Variants in NAALADL2 observed in about 807,000 individuals in gnomAD.
NAALADL2 encodes N-acetylated alpha-linked acidic dipeptidase like 2, also known as inactive N-acetylated-alpha-linked acidic dipeptidase-like protein 2.
Under a neutral mutation model 87.2 loss-of-function variants are expected in NAALADL2, and 76 were observed. The observed-to-expected ratio is 0.87, with a 90% CI of 0.72 to 1.05. The LOEUF (loss-of-function observed/expected upper bound fraction) is 1.05, where lower values mean the gene tolerates loss of function less well. Ranked by LOEUF, NAALADL2 falls within the 50% of genes least tolerant of loss-of-function variation. The probability of loss-of-function intolerance (pLI) is 0.00; values close to 1 mark genes in which losing one functional copy is unlikely to be tolerated. For synonymous variants in NAALADL2, 354 were observed against 331.0 expected, an observed-to-expected ratio of 1.07 and a Z score of -0.75; for missense variants, 1,089 against 945.8, an observed-to-expected ratio of 1.15 and a Z score of -1.99.
At chr3:175,268,133 T>G (rs1752251567) in intron 4 of NAALADL2, among the ~76,000 whole-genome samples, 1 of 152,174 alleles carries the variant, frequency 6.6e-6, no homozygotes, top group South Asian at 2.1e-4. Flanking sequence ...GTTGTTGGTG[T>G]TGTGCTGGTA....
chr3:175,353,899 G>T lies in NAALADL2; in HGVS notation c.1090+29574G>T, dbSNP rs116420675. ...CTTCATGATAACCAAGAATTTAGTGGAATTCTGTCACTTGAAATTACCCAA... is the reference window on the plus strand; with the variant it reads ...CTTCATGATAACCAAGAATTTAGTGTAATTCTGTCACTTGAAATTACCCAA... On this transcript the variant is annotated intron_variant, in intron 5 of 13. Coordinates refer to ENST00000454872, the MANE Select transcript of NAALADL2 (RefSeq NM_207015.3). Among the ~76,000 whole-genome samples the T allele has an allele frequency of 6.2e-3, 944 of 152,244 alleles. 5 individuals are homozygous for T. The highest frequency in any genetic ancestry group is 9.6e-3 in the Non-Finnish European group (652 of 68,002).
chr3:175,139,553 T>C (rs71312310), intron 2 of NAALADL2, among the ~76,000 whole-genome samples: 1 of 152,106 alleles, frequency 6.6e-6, no homozygotes, highest in Non-Finnish European at 1.5e-5. Flanking sequence ...GCTACGTAGA[T>C]GATTCATATA....
chr3:175,072,341 A>G (rs1402566541), intron 1 of NAALADL2, among the ~76,000 whole-genome samples: 1 of 151,882 alleles, frequency 6.6e-6, no homozygotes, highest in African/African-American at 2.4e-5. Flanking sequence ...TTAGATTTAA[A>G]GTCATGATGT....
At chr3:174,844,802 C>T (rs1361947113) in intron 3 of NAALADL2, among the ~76,000 whole-genome samples, 1 of 111,928 alleles carries the variant, frequency 8.9e-6, no homozygotes, top group Admixed American at 8.6e-5. Context: ...TTTTATCCTG[C>T]AATTTTAATG....
intron 1 of NAALADL2, among the ~76,000 whole-genome samples, chr3:174,945,356 T>C (rs750469763): frequency 1.2e-4 from 19 of 152,158 alleles, no homozygotes; most frequent in African/African-American, 2.2e-4. Flanking sequence ...GCAAATATTT[T>C]CACTCAGGCC....
intron 1 of NAALADL2, among the ~76,000 whole-genome samples, chr3:174,532,908 C>T (rs753274995): frequency 3.9e-5 from 6 of 151,902 alleles, no homozygotes; most frequent in Non-Finnish European, 8.8e-5. Context: ...ATCTTTTATT[C>T]TTTAATTCAT....
intron 11 of NAALADL2, among the ~76,000 whole-genome samples, chr3:175,708,140 T>C (rs1739996513): frequency 1.3e-5 from 2 of 151,918 alleles, no homozygotes; most frequent in Admixed American, 1.3e-4. Flanking sequence ...CTTCAAGACA[T>C]AAATATAAAG....
chr3:174,939,229 A>G (rs192475918), intron 1 of NAALADL2, among the ~76,000 whole-genome samples: 85 of 152,250 alleles, frequency 5.6e-4, no homozygotes, highest in Admixed American at 1.5e-3. Flanking sequence ...ATGGCTAGCC[A>G]GTTATCCCAG....
At chr3:175,280,869 T>C (rs1754203487) in intron 4 of NAALADL2, among the ~76,000 whole-genome samples, 1 of 152,066 alleles carries the variant, frequency 6.6e-6, no homozygotes, top group South Asian at 2.1e-4. Context: ...TTTATCCTGA[T>C]GCTACATCAG....
intron 3 of NAALADL2, among the ~76,000 whole-genome samples, chr3:174,756,990 G>T (rs911276391): frequency 1.3e-5 from 2 of 151,918 alleles, no homozygotes; most frequent in South Asian, 2.1e-4. Context: ...TCACATTTTG[G>T]TGTCTCTGTA....
At position 175,749,307 on chromosome 3, in the gene NAALADL2, C is replaced by A. The variant is rs543339755; in HGVS notation, c.1991-5913C>A. 1.1e-4 allele frequency among the ~76,000 whole-genome samples: 17 copies of A among 151,618 alleles called. No homozygotes were observed. The South Asian group carries it at 3.4e-3, about 30-fold the overall frequency. The stretch of plus-strand genomic sequence containing the variant: ...GGAGATTGGGGAACAAAGTTAATAC[C>A]CAAGAGTTTATGCTAAGTTGAAACT... On this transcript the variant is annotated intron_variant, in intron 12 of 13. Coordinates refer to ENST00000454872, the MANE Select transcript of NAALADL2 (RefSeq NM_207015.3).
rs1328927190 is a variant in NAALADL2 at position 175,371,285 on chromosome 3, G to A, written c.1090+46960G>A. On this transcript the variant is annotated intron_variant, in intron 5 of 13. Coordinates refer to ENST00000454872, the MANE Select transcript of NAALADL2 (RefSeq NM_207015.3). ...GATATTATTATTATTATTATTTTTTGAGACGGAGTACTCGCTCTTTCGCCC... is the reference window on the plus strand; with the variant it reads ...GATATTATTATTATTATTATTTTTTAAGACGGAGTACTCGCTCTTTCGCCC... Among the ~76,000 whole-genome samples the A allele has an allele frequency of 2.0e-5, 3 of 151,736 alleles. No individual in the cohort carries two copies. The East Asian group carries it at 5.9e-4, about 30-fold the overall frequency.
At chr3:174,753,763 C>T (rs979766485) in intron 3 of NAALADL2, among the ~76,000 whole-genome samples, 8 of 152,114 alleles carry the variant, frequency 5.3e-5, no homozygotes, top group Middle Eastern at 3.2e-3. Context: ...TGAATTGTGT[C>T]CCTTCCAAAT....
At chr3:175,671,024 C>T (rs373030686) in intron 11 of NAALADL2, among the ~76,000 whole-genome samples, 8 of 151,142 alleles carry the variant, frequency 5.3e-5, no homozygotes, top group South Asian at 2.1e-4. Context: ...AGCAAAAAAG[C>T]GAGAATAAAA....
chr3:174,719,514 C>G (rs540885911), intron 2 of NAALADL2, among the ~76,000 whole-genome samples: 1 of 152,136 alleles, frequency 6.6e-6, no homozygotes, highest in Non-Finnish European at 1.5e-5. Flanking sequence ...GACTTAGCAA[C>G]CAAGAAGCTT....
At chr3:174,708,634 T>G (rs1453391053) in intron 2 of NAALADL2, among the ~76,000 whole-genome samples, 1 of 152,198 alleles carries the variant, frequency 6.6e-6, no homozygotes, top group African/African-American at 2.4e-5. Context: ...TATGTTTGTT[T>G]GTAAATTTGT....
intron 2 of NAALADL2, among the ~76,000 whole-genome samples, chr3:174,563,070 A>G (rs1210993830): frequency 6.6e-6 from 1 of 152,010 alleles, no homozygotes; most frequent in Non-Finnish European, 1.5e-5. Flanking sequence ...TTTAAGCAAT[A>G]TATTGTTTTG....
rs1041019606 is a variant in NAALADL2 at position 175,792,700 on chromosome 3, G to A, written c.2190-10305G>A. ...ATTTGATTGAAAAGAACACAAAGCCGTACTCACATTGGCTTAACTGACGTA... is the reference window on the plus strand; with the variant it reads ...ATTTGATTGAAAAGAACACAAAGCCATACTCACATTGGCTTAACTGACGTA... On this transcript the variant is annotated intron_variant, in intron 13 of 13. Transcript: ENST00000454872. Among the ~76,000 whole-genome samples, 16 of 152,140 alleles carry A rather than the reference G, an allele frequency of 1.1e-4. No homozygotes were observed. The South Asian group carries it at 1.5e-3, about 14-fold the overall frequency.
At chr3:174,759,344 T>A (rs559400795) in intron 3 of NAALADL2, among the ~76,000 whole-genome samples, 14 of 152,344 alleles carry the variant, frequency 9.2e-5, no homozygotes, top group African/African-American at 3.1e-4. Context: ...GATACAAATT[T>A]GTTTGCCTGT....
Sources: allele counts gnomAD v4.1 joint callset (sites outside exome capture counted in the v4.1 genomes callset), GRCh38; gene constraint gnomAD v4.1.1; transcripts MANE v1.5; gene names NCBI Gene and HGNC (gene_info 2026-07-23, HGNC 2026-07-21).